DPYSL2: variants seen among roughly 807,000 people sequenced by gnomAD.
DPYSL2 encodes dihydropyrimidinase like 2.
In DPYSL2, 13 loss-of-function variants were observed where a neutral mutation model predicts 69.9. The ratio of observed to expected loss-of-function variants is 0.19; its 90% CI spans 0.12 to 0.30. The LOEUF (loss-of-function observed/expected upper bound fraction) is 0.30, where lower values mean the gene tolerates loss of function less well. Among genes scored for constraint, DPYSL2 ranks in the 10% least tolerant of loss-of-function variants. The pLI is 1.00. For synonymous variants in DPYSL2, 326 were observed against 359.1 expected, an observed-to-expected ratio of 0.91 and a Z score of 1.04; for missense variants, 587 against 918.9, an observed-to-expected ratio of 0.64 and a Z score of 4.67.
chr8:26,563,654 C>G (rs893440355), intron 1 of DPYSL2, among the ~76,000 whole-genome samples: 12 of 152,214 alleles, frequency 7.9e-5, no homozygotes, highest in Non-Finnish European at 1.6e-4. Context: ...CTTTCCACCT[C>G]TCTATCCTCT....
At position 26,640,591 on chromosome 8, in the gene DPYSL2, T is replaced by G. The variant is rs1803018587; in HGVS notation, c.1127-2848T>G. ...GTTGGGAGCTCCAGACCACTGGGGA[T>G]GGGAGGCAGAGACTCTATGTATAGA... On this transcript the variant is annotated intron_variant, in intron 8 of 13. Coordinates refer to ENST00000521913, the MANE Select transcript of DPYSL2 (RefSeq NM_001197293.3). The surrounding 1 kb of genome is among the most constrained non-coding windows in gnomAD (Gnocchi z 4.2). 6.6e-6 allele frequency among the ~76,000 whole-genome samples: 1 copy of G among 152,038 alleles called. No individual in the cohort carries two copies. Among genetic ancestry groups the G allele is most frequent in the Non-Finnish European group, 1.5e-5 (1 of 67,998 alleles).
intron 3 of DPYSL2, among the ~76,000 whole-genome samples, chr8:26,616,076 A>T (rs1802339896): frequency 6.6e-6 from 1 of 152,160 alleles, no homozygotes; most frequent in Non-Finnish European, 1.5e-5. Context: ...TATTAGTCCC[A>T]TTTCATGGCT....
rs888575724 is a variant in DPYSL2, at chr8:26,614,272, T to C, written c.629-9871T>C. 6.6e-6 allele frequency among the ~76,000 whole-genome samples: 1 copy of C among 152,060 alleles called. No individual in the cohort carries two copies. The highest frequency in any genetic ancestry group is 2.4e-5 in the African/African-American group (1 of 41,376). On this transcript the variant is annotated intron_variant, in intron 3 of 13. Coordinates refer to ENST00000521913, the MANE Select transcript of DPYSL2 (RefSeq NM_001197293.3). This position sits in a 1 kb window ranked among gnomAD's most constrained non-coding sequence, Gnocchi z 4.9. The stretch of plus-strand genomic sequence containing the variant: ...AGACAGGAAGGGAACAGAACTGGGA[T>C]GTGGCAGGGACAGGTTCCAGGCACT...
In DPYSL2 at chr8:26,621,470, C is replaced by G. The variant is rs1435351454; in HGVS notation, c.629-2673C>G. 6.6e-6 allele frequency among the ~76,000 whole-genome samples: 1 copy of G among 152,150 alleles called. No individual in the cohort carries two copies. ...CCTCCTTTGCTGCTTGACCTGATTG[C>G]AAGTGGAATGTGAGAGCCAGAAGGA... is the stretch of plus-strand genomic sequence containing the variant. On this transcript the variant is annotated intron_variant, in intron 3 of 13. Coordinates refer to ENST00000521913, the MANE Select transcript of DPYSL2 (RefSeq NM_001197293.3). The surrounding 1 kb of genome is among the most constrained non-coding windows in gnomAD (Gnocchi z 4.9).
rs767983441 is a variant in DPYSL2, at chr8:26,643,634, T to A, written c.1283+39T>A. 6.2e-7 allele frequency: 1 copy of A among 1,614,082 alleles called. No homozygotes were observed. Among genetic ancestry groups the A allele is most frequent in the East Asian group, 2.2e-5 (1 of 44,890 alleles). On this transcript the variant is annotated intron_variant, in intron 9 of 13. Transcript: ENST00000521913. The surrounding 1 kb of genome is among the most constrained non-coding windows in gnomAD (Gnocchi z 6.5). Reference sequence around the variant, plus strand: ...ACTTGTTCACACTTCACATTCTGTCTTTCTTCAGACCAGACTGACCTGTTA... The same window carrying A: ...ACTTGTTCACACTTCACATTCTGTCATTCTTCAGACCAGACTGACCTGTTA...
intron 1 of DPYSL2, among the ~76,000 whole-genome samples, chr8:26,573,262 C>T (rs566421533): frequency 2.0e-5 from 3 of 152,296 alleles, no homozygotes; most frequent in Admixed American, 6.5e-5. Context: ...TGGTGGCTCA[C>T]GCCTGTAATC....
intron 3 of DPYSL2, among the ~76,000 whole-genome samples, chr8:26,592,556 A>C (rs1346743903): frequency 6.7e-6 from 1 of 150,174 alleles, no homozygotes; most frequent in Non-Finnish European, 1.5e-5. Context: ...GCTCACTGCA[A>C]CCTCCACCTC....
Position 26,514,775 on chromosome 8 carries a change from C to T in DPYSL2, c.354+96C>T. On this transcript the variant is annotated intron_variant, in intron 1 of 13. Coordinates refer to ENST00000521913, the MANE Select transcript of DPYSL2 (RefSeq NM_001197293.3). This position sits in a 1 kb window ranked among gnomAD's most constrained non-coding sequence, Gnocchi z 8.4. ...CGGCGCGCCCGCCTTCATGCCCCGC[C>T]CTGGACCTCGCCTCCCGCATCTGCA... is the stretch of plus-strand genomic sequence containing the variant. 1 of 1,123,036 alleles carries T rather than the reference C, an allele frequency of 8.9e-7. No individual in the cohort carries two copies. The highest frequency in any genetic ancestry group is 2.0e-5 in the South Asian group (1 of 50,988). 69.6% of individuals were successfully genotyped at this position (1,123,036 alleles called of 1,614,324 possible).
At chr8:26,537,477 T>G (rs2117619059) in intron 1 of DPYSL2, among the ~76,000 whole-genome samples, 1 of 152,216 alleles carries the variant, frequency 6.6e-6, no homozygotes, top group East Asian at 1.9e-4. Context: ...TAAAGCTTTT[T>G]AAAAACTATC....
At position 26,640,536 on chromosome 8, in the gene DPYSL2, A is replaced by G. The variant is rs1474345926; in HGVS notation, c.1127-2903A>G. ...GTGCATCCACAGCACCCTCCTGTGA[A>G]TGTTTATAGACCCAGGAGGGGAGCC... On this transcript the variant is annotated intron_variant, in intron 8 of 13. Coordinates refer to ENST00000521913, the MANE Select transcript of DPYSL2 (RefSeq NM_001197293.3). The surrounding 1 kb of genome is among the most constrained non-coding windows in gnomAD (Gnocchi z 4.2). Among the ~76,000 whole-genome samples the G allele has an allele frequency of 6.6e-6, 1 of 152,066 alleles. No homozygotes were observed. The highest frequency in any genetic ancestry group is 1.5e-5 in the Non-Finnish European group (1 of 67,996).
chr8:26,619,934 A>G lies in DPYSL2; in HGVS notation c.629-4209A>G, dbSNP rs1196497597. ...GAGGAGTCTAGCACCAGATGATCTG[A>G]CGACACATCATTGGGATGTGGAGTC... On this transcript the variant is annotated intron_variant, in intron 3 of 13. Coordinates refer to ENST00000521913, the MANE Select transcript of DPYSL2 (RefSeq NM_001197293.3). This position sits in a 1 kb window ranked among gnomAD's most constrained non-coding sequence, Gnocchi z 4.8. 6.6e-6 allele frequency: 1 copy of G among 152,062 alleles called. No homozygotes were observed. The highest frequency in any genetic ancestry group is 1.9e-4 in the East Asian group (1 of 5,188). The allele number at this position is 152,062 out of a possible 1,614,324, so 9.4% of individuals were successfully genotyped here.
rs1802639690 is a variant in DPYSL2 at position 26,627,229 on chromosome 8, G to A, written c.870G>A (p.Leu290=). The A allele has an allele frequency of 1.2e-6, 2 of 1,614,070 alleles. No individual in the cohort carries two copies. Among genetic ancestry groups the A allele is most frequent in the Non-Finnish European group, 8.5e-7 (1 of 1,180,040 alleles). The change falls in exon 6 of 14, where the codon CTG becomes CTA. Residue 290 remains leucine (L), a synonymous_variant. Coordinates refer to ENST00000521913, the MANE Select transcript of DPYSL2 (RefSeq NM_001197293.3). This position sits in a 1 kb window ranked among gnomAD's most constrained non-coding sequence, Gnocchi z 6.9. ...QLTDCQIYEV[L]SVIRDIGAIA... ...CTCTCTCTCAGATTTATGAAGTACT[G>A]AGTGTGATCCGGGATATTGGCGCCA...
intron 1 of DPYSL2, among the ~76,000 whole-genome samples, chr8:26,526,510 C>T (rs552796633): frequency 2.6e-5 from 4 of 152,238 alleles, no homozygotes; most frequent in South Asian, 2.1e-4. Flanking sequence ...TAGTCTTGTG[C>T]GTTTTTTGCC....
At position 26,514,275 on chromosome 8, in the gene DPYSL2, A is replaced by ACTGG. The variant is rs1455716942; in HGVS notation, c.-49_-46dup. The stretch of plus-strand genomic sequence containing the variant: ...TGCACACAGCGAGGGAGACTTAGGG[A>ACTGG]CTGGCAGACGGACGGACGGACGGCG... On this transcript the variant is annotated 5_prime_UTR_variant, in exon 1 of 14. Coordinates refer to ENST00000521913, the MANE Select transcript of DPYSL2 (RefSeq NM_001197293.3). This position sits in a 1 kb window ranked among gnomAD's most constrained non-coding sequence, Gnocchi z 8.4. 7.2e-7 allele frequency: 1 copy of ACTGG among 1,397,268 alleles called. No homozygotes were observed. The highest frequency in any genetic ancestry group is 2.7e-5 in the East Asian group (1 of 36,744). 86.6% of individuals were successfully genotyped at this position (1,397,268 alleles called of 1,614,324 possible).
In DPYSL2 at chr8:26,654,184, A is replaced by G. The variant is rs1035888357; in HGVS notation, c.1942+787A>G. Among the ~76,000 whole-genome samples, 3 of 152,134 alleles carry G rather than the reference A, an allele frequency of 2.0e-5. No homozygotes were observed. The highest frequency in any genetic ancestry group is 4.4e-5 in the Non-Finnish European group (3 of 68,026). On this transcript the variant is annotated intron_variant, in intron 13 of 13. Coordinates refer to ENST00000521913, the MANE Select transcript of DPYSL2 (RefSeq NM_001197293.3). This position sits in a 1 kb window ranked among gnomAD's most constrained non-coding sequence, Gnocchi z 5.0. ...CCCGTGAGGTTGTTGTGAGGGTTAA[A>G]TGGGTTAATATATATGTACAGTGCT...
intron 1 of DPYSL2, among the ~76,000 whole-genome samples, chr8:26,569,208 CTT>C (rs1483752107): frequency 6.6e-6 from 1 of 151,970 alleles, no homozygotes; most frequent in Non-Finnish European, 1.5e-5. Context: ...GATAAAAAGA[CTT>C]AGCCAGGCAT....
Position 26,514,126 on chromosome 8 carries a change from G to A in DPYSL2, c.-200G>A. 1 of 415,860 alleles carries A rather than the reference G, an allele frequency of 2.4e-6. No homozygotes were observed. The highest frequency in any genetic ancestry group is 4.2e-6 in the Non-Finnish European group (1 of 240,954). 25.8% of individuals were successfully genotyped at this position (415,860 alleles called of 1,614,324 possible). ...TAGCCGCGGGGGGCGTGGGCAGGGA[G>A]GGGAGAAGCGGGGTCAGGGGGAGGG... On this transcript the variant is annotated 5_prime_UTR_variant, in exon 1 of 14. Coordinates refer to ENST00000521913, the MANE Select transcript of DPYSL2 (RefSeq NM_001197293.3). This position sits in a 1 kb window ranked among gnomAD's most constrained non-coding sequence, Gnocchi z 8.4.
chr8:26,530,256 A>T (rs1255801508), intron 1 of DPYSL2, among the ~76,000 whole-genome samples: 1 of 152,098 alleles, frequency 6.6e-6, no homozygotes, highest in Non-Finnish European at 1.5e-5. Context: ...CAGGATTTCC[A>T]AGTAGGGTCA....
intron 7 of DPYSL2, among the ~76,000 whole-genome samples, chr8:26,628,486 G>T (rs992013274): frequency 6.6e-6 from 1 of 152,228 alleles, no homozygotes; most frequent in East Asian, 1.9e-4. Context: ...CACCGTCTTG[G>T]TGAGGTGTGT....
Sources: allele counts gnomAD v4.1 joint callset (sites outside exome capture counted in the v4.1 genomes callset), GRCh38; gene constraint gnomAD v4.1.1; non-coding constraint Gnocchi (gnomAD v3.1); transcripts MANE v1.5; gene names NCBI Gene and HGNC (gene_info 2026-07-23, HGNC 2026-07-21).